The following SYNE1 variants were observed in gnomAD, a reference collection of about 807,000 sequenced individuals.
SYNE1 encodes nesprin-1.
SYNE1 carries 616 observed loss-of-function variants against 1,111.0 expected under a neutral mutation model. The observed-to-expected ratio is 0.55, with a 90% CI of 0.52 to 0.59. The LOEUF is 0.59. Among genes scored for constraint, SYNE1 ranks in the 20% least tolerant of loss-of-function variants. The pLI is 0.00. For missense variants in SYNE1, 10,006 were observed against 10,417.0 expected (o/e 0.96, Z 1.72); for synonymous variants, 3,855 against 3,825.8 (o/e 1.01, Z -0.28).
intron 55 of SYNE1, among the ~76,000 whole-genome samples, chr6:152,382,712 A>G (rs1443901762): frequency 6.6e-6 from 1 of 152,182 alleles, no homozygotes; most frequent in Non-Finnish European, 1.5e-5. Context: ...AGACCTTAAT[A>G]CTTGTAATTA....
chr6:152,211,702 C>T, intron 123 of SYNE1, 114 bp from the exon 124 acceptor site: 1 of 819,090 alleles, frequency 1.2e-6, no homozygotes, highest in Non-Finnish European at 2.0e-6. Flanking sequence ...CTATCACCAG[C>T]TGAACCAGAA....
At chr6:152,364,749 A>G (rs2097031953) in intron 63 of SYNE1, 98 bp downstream of exon 63, 1 of 1,260,600 alleles carries the variant, frequency 7.9e-7, no homozygotes, top group South Asian at 1.2e-5. Context: ...AAGGAAAGGG[A>G]AGGGAAGGGA....
chr6:152,193,620 G>A (rs9478296), intron 127 of SYNE1, among the ~76,000 whole-genome samples: 6,627 of 152,132 alleles, frequency 0.044, 285 homozygotes, highest in African/African-American at 0.11. Context: ...GCCCAGCCAT[G>A]TTGTTTCTTA....
chr6:152,343,404 C>T (rs35569312), intron 74 of SYNE1, among the ~76,000 whole-genome samples: 16,770 of 150,622 alleles, frequency 0.11, 1,192 homozygotes, highest in Non-Finnish European at 0.13. Flanking sequence ...TGTGGTCGGC[C>T]CGCCTTGGCC....
intron 84 of SYNE1, among the ~76,000 whole-genome samples, chr6:152,319,413 G>C (rs1290209116): frequency 6.6e-6 from 1 of 152,164 alleles, no homozygotes; most frequent in Non-Finnish European, 1.5e-5. Flanking sequence ...CAAACAGTTG[G>C]AAGCACACTG....
At chr6:152,413,006 C>T (rs1347470604) in intron 42 of SYNE1, among the ~76,000 whole-genome samples, 1 of 152,102 alleles carries the variant, frequency 6.6e-6, no homozygotes, top group Non-Finnish European at 1.5e-5. Context: ...CACCCTCTAC[C>T]ACACTCGGCA....
At chr6:152,203,676 C>T (rs2075960630) in intron 126 of SYNE1, among the ~76,000 whole-genome samples, 1 of 152,138 alleles carries the variant, frequency 6.6e-6, no homozygotes, top group Non-Finnish European at 1.5e-5. Context: ...ATTACCACAA[C>T]TATTTTCTGG....
In SYNE1 at chr6:152,181,641, T is replaced by C. The variant is rs530048167; in HGVS notation, c.23302-1347A>G. Among the ~76,000 whole-genome samples the C allele has an allele frequency of 2.0e-5, 3 of 152,378 alleles. No homozygotes were observed. The South Asian group carries it at 6.2e-4, about 32-fold the overall frequency. ...CCTATATTGTAGCATGTATCAATAC[T>C]TCATTCCCTTTATTGCTGACTATAT... On this transcript the variant is annotated intron_variant, in intron 128 of 145. Transcript: ENST00000367255.
At position 152,399,775 on chromosome 6, in the gene SYNE1, G is replaced by T. The variant is rs373893308; in HGVS notation, c.7078C>A (p.Gln2360Lys). ...QSQQSNISSTQENLNSLCRKY... is the reference protein window; with the variant it reads ...QSQQSNISSTKENLNSLCRKY... ...CGGCACAAGCTATTGAGATTTTCTT[G>T]GGTAGAGCTGATGTTGCTTTGTTGA... Residue 2360 changes from glutamine to lysine, a missense_variant, in exon 48 of 146, where the codon CAA becomes AAA. By Grantham distance (53) the Gln-to-Lys change is moderately conservative. Coordinates refer to ENST00000367255, the MANE Select transcript of SYNE1 (RefSeq NM_182961.4). 11 of 1,613,958 alleles carry T rather than the reference G, an allele frequency of 6.8e-6. No homozygotes were observed. The African/African-American group carries it at 1.5e-4, about 22-fold the overall frequency.
chr6:152,232,806 C>G (rs1216728845), intron 112 of SYNE1, among the ~76,000 whole-genome samples: 1 of 152,168 alleles, frequency 6.6e-6, no homozygotes, highest in African/African-American at 2.4e-5. Flanking sequence ...ACATATCACA[C>G]ATTTATGCAT....
intron 94 of SYNE1, 79 bp from the exon 95 acceptor site, chr6:152,293,828 T>C (rs2094727318): frequency 6.2e-7 from 1 of 1,611,302 alleles, no homozygotes; most frequent in South Asian, 1.1e-5. Flanking sequence ...CTTCAGTGCT[T>C]TACCTCTGTG....
Position 152,133,421 on chromosome 6 carries a change from A to G in SYNE1, c.25856T>C (p.Leu8619Pro), listed in dbSNP as rs139834542. ...VASLQDMSCQLLVNAEGTDCL... is the reference protein window; with the variant it reads ...VASLQDMSCQPLVNAEGTDCL... ...GTCTGTTCCTTCAGCATTCACCAGT[A>G]GTTGGCAAGACATGTCTTGCAAAGA... Residue 8619 changes from leucine to proline, a missense_variant, in exon 143 of 146, where the codon CTA becomes CCA. Physicochemically the swap from Leu to Pro is moderately conservative, Grantham distance 98 (BLOSUM62 -3). Transcript: ENST00000367255. 2.5e-3 allele frequency: 3,957 copies of G among 1,614,194 alleles called. 6 individuals are homozygous for G. The highest frequency in any genetic ancestry group is 3.1e-3 in the Non-Finnish European group (3,695 of 1,180,028).
intron 92 of SYNE1, among the ~76,000 whole-genome samples, chr6:152,301,581 A>G (rs956984954): frequency 6.6e-6 from 1 of 152,360 alleles, no homozygotes; most frequent in East Asian, 1.9e-4. Context: ...TAAAGCTCAG[A>G]GCCTCTCAGT....
chr6:152,602,770 A>G (rs929234569), intron 3 of SYNE1, among the ~76,000 whole-genome samples: 2 of 152,176 alleles, frequency 1.3e-5, no homozygotes, highest in Admixed American at 6.5e-5. Context: ...TTAAGTAGCT[A>G]CTATTCATAG....
chr6:152,420,665 A>T (rs1317972407), intron 39 of SYNE1, among the ~76,000 whole-genome samples: 1 of 152,208 alleles, frequency 6.6e-6, no homozygotes, highest in African/African-American at 2.4e-5. Flanking sequence ...CATTCGTGAG[A>T]TTTGCTAACC....
intron 98 of SYNE1, among the ~76,000 whole-genome samples, chr6:152,274,473 G>T (rs2093435544): frequency 7.1e-6 from 1 of 140,234 alleles, no homozygotes; most frequent in African/African-American, 2.7e-5. Context: ...TTTATTTTGT[G>T]TTACTCATTC....
At chr6:152,265,581 A>G (rs1157801933) in intron 100 of SYNE1, among the ~76,000 whole-genome samples, 1 of 152,206 alleles carries the variant, frequency 6.6e-6, no homozygotes, top group Non-Finnish European at 1.5e-5. Context: ...TTGTATTTAC[A>G]TAAAAATTTG....
chr6:152,338,391 G>C (rs1328991635), intron 75 of SYNE1, among the ~76,000 whole-genome samples: 1 of 152,138 alleles, frequency 6.6e-6, no homozygotes, highest in Non-Finnish European at 1.5e-5. Flanking sequence ...GTAGGCCAAG[G>C]AGGGAGGATT....
chr6:152,407,343 AC>A (rs1347400918), intron 44 of SYNE1, 147 bp from the exon 45 acceptor site: 1 of 761,170 alleles, frequency 1.3e-6, no homozygotes, highest in African/African-American at 1.7e-5. Context: ...TAATAAGTGC[AC>A]CCAACTCACG....
Sources: gnomAD v4.1 joint callset for allele counts (sites outside exome capture counted in the v4.1 genomes callset) on GRCh38, gnomAD v4.1.1 for gene constraint, MANE v1.5 for transcripts, NCBI Gene and HGNC (gene_info 2026-07-23, HGNC 2026-07-21) for gene names.